Variants in PLD1 observed in about 807,000 individuals in gnomAD.
PLD1 encodes phospholipase D1.
A neutral mutation model predicts 137.1 loss-of-function variants in PLD1; 112 were observed. The ratio of observed to expected loss-of-function variants is 0.82; its 90% CI spans 0.70 to 0.96. The LOEUF (loss-of-function observed/expected upper bound fraction) is 0.96, where lower values mean the gene tolerates loss of function less well. Among genes scored for constraint, PLD1 ranks in the 40% least tolerant of loss-of-function variants. The pLI is 0.00. For missense variants in PLD1, 1,321 were observed against 1,342.0 expected, an observed-to-expected ratio of 0.98 and a Z score of 0.24; for synonymous variants, 431 against 454.7, an observed-to-expected ratio of 0.95 and a Z score of 0.66.
chr3:171,655,015 A>T (rs1737073614), intron 21 of PLD1, among the ~76,000 whole-genome samples: 2 of 152,180 alleles, frequency 1.3e-5, no homozygotes, highest in African/African-American at 4.8e-5. Context: ...GCAGAAAAAT[A>T]CTTAGACCAG....
At chr3:171,691,507 A>T (rs761860213) in intron 13 of PLD1, among the ~76,000 whole-genome samples, 1 of 152,096 alleles carries the variant, frequency 6.6e-6, no homozygotes, top group Non-Finnish European at 1.5e-5. Flanking sequence ...TTGCAGTTAA[A>T]TGTAACATCT....
rs970883564 is a variant in PLD1 at position 171,689,829 on chromosome 3, T to A, written c.1339-953A>T. Among the ~76,000 whole-genome samples the A allele has an allele frequency of 5.3e-5, 8 of 152,368 alleles. No homozygotes were observed. The East Asian group carries it at 7.7e-4, about 15-fold the overall frequency. On this transcript the variant is annotated intron_variant, in intron 13 of 26. Coordinates refer to ENST00000351298, the MANE Select transcript of PLD1 (RefSeq NM_002662.5). ...ACTGTTTTCTTAATAACACATTTTT[T>A]AAAAATTGTAGTAAAGTAAGCATAA...
chr3:171,620,441 C>A lies in PLD1; in HGVS notation c.2673G>T (p.Glu891Asp), dbSNP rs1733493154. 6.2e-7 allele frequency: 1 copy of A among 1,601,010 alleles called. No homozygotes were observed. Among genetic ancestry groups the A allele is most frequent in the Non-Finnish European group, 8.5e-7 (1 of 1,170,102 alleles). ...HAELEGNLVT[E>D]LIYVHSKLLI... ...ACAACTTGCTGTGGACATAGATAAG[C>A]TCAGTTACTAGGTTTCCTTCGAGCT... Residue 891 changes from glutamate (E) to aspartate (D), a missense_variant, in exon 24 of 27, where the codon GAG becomes GAT. By Grantham distance (45) the Glu-to-Asp change is conservative. Coordinates refer to ENST00000351298, the MANE Select transcript of PLD1 (RefSeq NM_002662.5).
In PLD1 at chr3:171,713,882, G is replaced by T; in HGVS notation, c.911+11C>A. Reference sequence around the variant, plus strand: ...TTGTAGAAATCTTTTTTAAATATTTGAAATGTGTACCTTGAAAGATTATCA... The same window carrying T: ...TTGTAGAAATCTTTTTTAAATATTTTAAATGTGTACCTTGAAAGATTATCA... On this transcript the variant is annotated intron_variant, in intron 9 of 26. Transcript: ENST00000351298. The T allele has an allele frequency of 6.3e-7, 1 of 1,595,738 alleles. No individual in the cohort carries two copies. Among genetic ancestry groups the T allele is most frequent in the Non-Finnish European group, 8.6e-7 (1 of 1,169,062 alleles).
intron 18 of PLD1, 21 bp downstream of exon 18, chr3:171,676,694 A>G: frequency 6.4e-7 from 1 of 1,574,684 alleles, no homozygotes; most frequent in Non-Finnish European, 8.7e-7. Context: ...TGGATAAATC[A>G]TGATAGCAAC....
Position 171,687,514 on chromosome 3 carries a change from A to T in PLD1, c.1610T>A (p.Ile537Asn). 6.2e-7 allele frequency: 1 copy of T among 1,613,954 alleles called. No homozygotes were observed. Among genetic ancestry groups the T allele is most frequent in the Non-Finnish European group, 8.5e-7 (1 of 1,179,904 alleles). Reference sequence around the variant, plus strand: ...ATCCACATCATCAATACTCTTCTGGATGGGTAGGTTTTGAACAGGCTCATT... The same window carrying T: ...ATCCACATCATCAATACTCTTCTGGTTGGGTAGGTTTTGAACAGGCTCATT... ...DKNEPVQNLP[I>N]QKSIDDVDSK... Residue 537 changes from isoleucine to asparagine, a missense_variant, in exon 15 of 27, where the codon ATC becomes AAC. Ile to Asn is a moderately radical substitution (Grantham distance 149, BLOSUM62 -3). Coordinates refer to ENST00000351298, the MANE Select transcript of PLD1 (RefSeq NM_002662.5).
chr3:171,810,022 G>A (rs1178073073), intron 1 of PLD1: 1 of 152,376 alleles, frequency 6.6e-6, no homozygotes, highest in Non-Finnish European at 1.5e-5. Context: ...CCGAACCAAG[G>A]GCGCCCGGAT....
chr3:171,708,284 G>A (rs550486444), intron 11 of PLD1, among the ~76,000 whole-genome samples: 7 of 152,252 alleles, frequency 4.6e-5, no homozygotes, highest in East Asian at 3.9e-4. Flanking sequence ...AGTTGAAACC[G>A]GATGTATCTC....
intron 13 of PLD1, among the ~76,000 whole-genome samples, chr3:171,690,436 G>T (rs541030888): frequency 6.6e-6 from 1 of 151,982 alleles, no homozygotes; most frequent in Non-Finnish European, 1.5e-5. Context: ...TCCTCAAACT[G>T]TAAAGTTAGG....
At chr3:171,628,628 C>T (rs1292576499) in intron 23 of PLD1, among the ~76,000 whole-genome samples, 2 of 151,624 alleles carry the variant, frequency 1.3e-5, no homozygotes, top group Non-Finnish European at 2.9e-5. Flanking sequence ...TACTGGCAAA[C>T]CGAATCCAGC....
At chr3:171,800,710 A>C (rs1723609012) in intron 1 of PLD1, among the ~76,000 whole-genome samples, 1 of 152,182 alleles carries the variant, frequency 6.6e-6, no homozygotes, top group Non-Finnish European at 1.5e-5. Context: ...TATAAACAAC[A>C]GAAACTTACT....
At chr3:171,638,818 A>G (rs1200488958) in intron 23 of PLD1, among the ~76,000 whole-genome samples, 2 of 152,192 alleles carry the variant, frequency 1.3e-5, no homozygotes, top group Admixed American at 6.5e-5. Context: ...TGAGATTAGC[A>G]TTTGAATTCG....
At chr3:171,733,038 G>A (rs905832628) in intron 6 of PLD1, among the ~76,000 whole-genome samples, 1 of 152,018 alleles carries the variant, frequency 6.6e-6, no homozygotes, top group Non-Finnish European at 1.5e-5. Flanking sequence ...ATCGCCCTAC[G>A]CACCACAAAA....
At chr3:171,651,256 C>T (rs1414628256) in intron 21 of PLD1, among the ~76,000 whole-genome samples, 2 of 152,144 alleles carry the variant, frequency 1.3e-5, no homozygotes, top group East Asian at 1.9e-4. Context: ...TGCTATAAAT[C>T]GTCTCGTTGT....
intron 7 of PLD1, among the ~76,000 whole-genome samples, chr3:171,725,233 C>T (rs1334518839): frequency 6.6e-6 from 1 of 152,122 alleles, no homozygotes; most frequent in East Asian, 1.9e-4. Flanking sequence ...CCCTCCTCAA[C>T]ATTGTGACAC....
At chr3:171,673,826 G>C (rs1259866297) in intron 19 of PLD1, among the ~76,000 whole-genome samples, 1 of 152,130 alleles carries the variant, frequency 6.6e-6, no homozygotes, top group East Asian at 1.9e-4. Context: ...TCAAACAAAA[G>C]GCAATGCCAA....
In PLD1 at chr3:171,769,099, G is replaced by A. The variant is rs145205228; in HGVS notation, c.-31-31017C>T. On this transcript the variant is annotated intron_variant, in intron 1 of 26. Coordinates refer to ENST00000351298, the MANE Select transcript of PLD1 (RefSeq NM_002662.5). ...CCTTTTTTTTCTCCCACGTTTGGAG[G>A]AAACATTTTAACGTGTATATTCTCT... 2.6e-3 allele frequency among the ~76,000 whole-genome samples: 395 copies of A among 152,246 alleles called. 3 individuals carry two copies. The highest frequency in any genetic ancestry group is 4.4e-3 in the Non-Finnish European group (296 of 68,014).
At chr3:171,807,269 T>C (rs571479093) in intron 1 of PLD1, among the ~76,000 whole-genome samples, 9 of 151,702 alleles carry the variant, frequency 5.9e-5, no homozygotes, top group Admixed American at 2.6e-4. Flanking sequence ...CACTCCAACC[T>C]GGGCAACAGA....
intron 12 of PLD1, among the ~76,000 whole-genome samples, chr3:171,693,664 A>C (rs552384030): frequency 6.6e-6 from 1 of 152,158 alleles, no homozygotes; most frequent in South Asian, 2.1e-4. Flanking sequence ...AACATTTTGC[A>C]TATATACTGG....
Sources: allele counts gnomAD v4.1 joint callset (sites outside exome capture counted in the v4.1 genomes callset), GRCh38; gene constraint gnomAD v4.1.1; transcripts MANE v1.5; gene names NCBI Gene and HGNC (gene_info 2026-07-23, HGNC 2026-07-21).